The following C6 variants were observed in gnomAD, a reference collection of about 807,000 sequenced individuals.
C6 encodes the protein complement C6, also known as complement component C6.
C6 carries 101 observed loss-of-function variants against 112.9 expected under a neutral mutation model. The ratio of observed to expected loss-of-function variants is 0.89; its 90% CI spans 0.76 to 1.06. The LOEUF (loss-of-function observed/expected upper bound fraction) is 1.06. Among genes scored for constraint, C6 ranks in the 50% least tolerant of loss-of-function variants. The probability of loss-of-function intolerance (pLI) is 0.00; values close to 1 mark genes in which losing one functional copy is unlikely to be tolerated. For missense variants in C6, 1,202 were observed against 1,104.6 expected (o/e 1.09, Z -1.25); for synonymous variants, 431 against 384.1 (o/e 1.12, Z -1.43).
rs201513771 is a variant in C6 at position 41,195,834 on chromosome 5, C to T, written c.545G>A (p.Arg182Gln). The T allele has an allele frequency of 8.1e-6, 13 of 1,613,934 alleles. No homozygotes were observed. Among genetic ancestry groups the T allele is most frequent in the East Asian group, 4.5e-5 (2 of 44,868 alleles). ...TACACTAGGGATGGGATTATACTTCCGTGTGCATACTGCCTTTGTCCTCCC... is the reference window on the plus strand; with the variant it reads ...TACACTAGGGATGGGATTATACTTCTGTGTGCATACTGCCTTTGTCCTCCC... Reference protein sequence around the residue: ...DCGRTKAVCTRKYNPIPSVQL... With the variant: ...DCGRTKAVCTQKYNPIPSVQL... Residue 182 changes from arginine (R) to glutamine (Q), a missense_variant, in exon 5 of 18, where the codon CGG (arginine) becomes CAG (glutamine). Transcript: ENST00000337836.
At chr5:41,195,087 T>C (rs1201855600) in intron 5 of C6, among the ~76,000 whole-genome samples, 1 of 152,196 alleles carries the variant, frequency 6.6e-6, no homozygotes, top group Non-Finnish European at 1.5e-5. Context: ...GTTTGTAAGC[T>C]GAGACTGGAT....
rs558522578 is a variant in C6, at chr5:41,163,339, G to T, written c.1292-1480C>A. On this transcript the variant is annotated intron_variant, in intron 9 of 17. Coordinates refer to ENST00000337836, the MANE Select transcript of C6 (RefSeq NM_000065.5). Reference sequence around the variant, plus strand: ...TTTTTTTTTTTTTTTTGAGATAGAGGTCTCGCTCTGCCGCCCAGGCTGGAA... The same window carrying T: ...TTTTTTTTTTTTTTTTGAGATAGAGTTCTCGCTCTGCCGCCCAGGCTGGAA... 9.7e-5 allele frequency among the ~76,000 whole-genome samples: 14 copies of T among 143,692 alleles called. No individual in the cohort carries two copies. In the East Asian group the frequency reaches 2.9e-3, roughly 30 times the overall value. 94.3% of individuals were successfully genotyped at this position (143,692 alleles called of 152,430 possible).
At chr5:41,213,290 T>C in intron 1 of C6, 86 bp downstream of exon 1, 1 of 453,632 alleles carries the variant, frequency 2.2e-6, no homozygotes, top group Non-Finnish European at 2.9e-6. Flanking sequence ...TTACATATTT[T>C]TATGCATGAA....
chr5:41,193,954 C>T (rs995494698), intron 5 of C6, among the ~76,000 whole-genome samples: 1 of 152,038 alleles, frequency 6.6e-6, no homozygotes, highest in Non-Finnish European at 1.5e-5. Context: ...CCCGAGCCGG[C>T]AGGCTTTGCT....
At chr5:41,153,065 T>G (rs1746561939) in intron 15 of C6, 1 of 152,254 alleles carries the variant, frequency 6.6e-6, no homozygotes. Context: ...AGTAACGGTG[T>G]AGCATCTCAC....
rs1006746261 is a variant in C6, at chr5:41,232,141, G to T, written c.-20-28891C>A. The stretch of plus-strand genomic sequence containing the variant: ...ATTCTTCTTAGCTTTGTTATATATT[G>T]CTTTCTGCTTTGTTTCTTAACCCTT... On this transcript the variant is annotated intron_variant, in intron 1 of 17. Coordinates refer to the C6 transcript ENST00000263413. Among the ~76,000 whole-genome samples, 6 of 151,880 alleles carry T rather than the reference G, an allele frequency of 4.0e-5. No homozygotes were observed. In the East Asian group the frequency reaches 1.2e-3, roughly 29 times the overall value.
intron 15 of C6, among the ~76,000 whole-genome samples, chr5:41,151,524 A>T (rs1444239093): frequency 6.6e-6 from 1 of 152,202 alleles, no homozygotes; most frequent in African/African-American, 2.4e-5. Context: ...ACATCCAAAC[A>T]ACGTAGATAT....
Position 41,175,193 on chromosome 5 carries a change from C to T in C6, c.1168+1282G>A, listed in dbSNP as rs577081502. ...AAGTGGTGAGGGAGGAAGGGGACAC[C>T]CATCCAGCCAGCCAGATCAGCCAAA... On this transcript the variant is annotated intron_variant, in intron 8 of 17. Transcript: ENST00000337836. Among the ~76,000 whole-genome samples the T allele has an allele frequency of 7.2e-5, 11 of 152,146 alleles. 1 individual carries two copies. In the South Asian group the frequency reaches 2.3e-3, roughly 32 times the overall value.
chr5:41,177,586 A>G (rs1748960000), intron 7 of C6, among the ~76,000 whole-genome samples: 2 of 152,158 alleles, frequency 1.3e-5, no homozygotes, highest in Admixed American at 6.5e-5. Flanking sequence ...TTAGCAAAAT[A>G]ACTGTATTAT....
chr5:41,214,076 G>A (rs1752098999), upstream of C6, among the ~76,000 whole-genome samples: 1 of 152,026 alleles, frequency 6.6e-6, no homozygotes, highest in Non-Finnish European at 1.5e-5. Flanking sequence ...ACTTTAGATT[G>A]AAGTAAAATG....
At chr5:41,195,985 GTATT>G (rs1330915690) in intron 4 of C6, 52 bp from the exon 5 acceptor site, 2 of 1,602,328 alleles carry the variant, frequency 1.2e-6, no homozygotes, top group African/African-American at 2.7e-5. Context: ...ATTTTAGAAA[GTATT>G]TATTAATTTG....
intron 9 of C6, among the ~76,000 whole-genome samples, chr5:41,171,015 G>T (rs1748382641): frequency 6.6e-6 from 1 of 152,122 alleles, no homozygotes; most frequent in Non-Finnish European, 1.5e-5. Flanking sequence ...CCATAGAGAA[G>T]ATTCCTCTCA....
chr5:41,257,864 T>G (rs1741816996), intron 1 of C6, among the ~76,000 whole-genome samples: 1 of 152,324 alleles, frequency 6.6e-6, no homozygotes, highest in South Asian at 2.1e-4. Context: ...CTTGCTTTTC[T>G]GGATTGTTCC....
intron 13 of C6, 131 bp downstream of exon 13, chr5:41,158,543 A>G: frequency 1.4e-6 from 1 of 696,806 alleles, no homozygotes; most frequent in South Asian, 1.6e-5. Flanking sequence ...GTGTTTCTAA[A>G]TATTATTTTG....
intron 4 of C6, 74 bp from the exon 5 acceptor site, chr5:41,196,007 A>C: frequency 2.6e-6 from 4 of 1,543,662 alleles, no homozygotes; most frequent in Non-Finnish European, 2.7e-6. Flanking sequence ...TTGAAACTCA[A>C]ATGCTTTAAA....
intron 1 of C6, chr5:41,203,580 T>G (rs1280695908): frequency 7.4e-6 from 2 of 269,214 alleles, no homozygotes; most frequent in East Asian, 1.8e-4. Context: ...AGTCTTACCC[T>G]TCTCAAAACA....
intron 1 of C6, among the ~76,000 whole-genome samples, chr5:41,233,976 C>G (rs1740071370): frequency 6.6e-6 from 1 of 151,894 alleles, no homozygotes; most frequent in South Asian, 2.1e-4. Flanking sequence ...ATTTCTGTTT[C>G]CATAGTAAAT....
intron 13 of C6, among the ~76,000 whole-genome samples, chr5:41,155,494 C>T (rs1443038463): frequency 6.6e-6 from 1 of 152,068 alleles, no homozygotes; most frequent in Non-Finnish European, 1.5e-5. Context: ...TCGAGACCAG[C>T]TGGGGCAATA....
intron 8 of C6, among the ~76,000 whole-genome samples, chr5:41,174,291 C>G (rs1349189994): frequency 6.6e-6 from 1 of 152,160 alleles, no homozygotes; most frequent in Admixed American, 6.6e-5. Context: ...TAACAAGCTA[C>G]TTGATACTGC....
Sources: gnomAD v4.1 joint callset for allele counts (sites outside exome capture counted in the v4.1 genomes callset) on GRCh38, gnomAD v4.1.1 for gene constraint, MANE v1.5 for transcripts, NCBI Gene and HGNC (gene_info 2026-07-23, HGNC 2026-07-21) for gene names.